The following REPS1 variants were observed in gnomAD, a reference collection of about 807,000 sequenced individuals.
The protein encoded by REPS1 is ralBP1-associated Eps domain-containing protein 1.
A neutral mutation model predicts 100.9 loss-of-function variants in REPS1; 39 were observed. The observed-to-expected ratio is 0.39, with a 90% CI of 0.30 to 0.50. The LOEUF (loss-of-function observed/expected upper bound fraction) is 0.50. Ranked by LOEUF, REPS1 falls within the 20% of genes least tolerant of loss-of-function variation. REPS1 has a pLI of 0.86. For synonymous variants in REPS1, 324 were observed against 340.3 expected (o/e 0.95, Z 0.53); for missense variants, 821 against 968.5 (o/e 0.85, Z 2.02).
rs560121071 is a variant in REPS1, at chr6:138,945,161, G to A, written c.628+58C>T. On this transcript the variant is annotated intron_variant, in intron 4 of 19. Coordinates refer to ENST00000450536, the MANE Select transcript of REPS1 (RefSeq NM_001286611.2). ...AGGCAGGAGGATCATTTGAACCCAGGAGTGCAAGACCAGCCTGGGCAACAC... is the reference window on the plus strand; with the variant it reads ...AGGCAGGAGGATCATTTGAACCCAGAAGTGCAAGACCAGCCTGGGCAACAC... 6.3e-6 allele frequency: 9 copies of A among 1,436,148 alleles called. No individual in the cohort carries two copies. The African/African-American group carries it at 1.1e-4, about 18-fold the overall frequency. 89.0% of individuals were successfully genotyped at this position (1,436,148 alleles called of 1,614,324 possible). A position where few individuals can be genotyped will look rare whatever the true frequency, so the allele number is the denominator to read the frequency against.
rs1400602330 is a variant in REPS1, at chr6:138,978,487, T to C, written c.153+9043A>G. 2.0e-5 allele frequency among the ~76,000 whole-genome samples: 3 copies of C among 151,270 alleles called. No homozygotes were observed. The East Asian group carries it at 5.8e-4, about 29-fold the overall frequency. The stretch of plus-strand genomic sequence containing the variant: ...CCCAGCTAATTTATTTTATCTTTTT[T>C]TTTTACAGGCAGGGGTCTCCCTATG... On this transcript the variant is annotated intron_variant, in intron 1 of 19. Transcript: ENST00000450536.
At chr6:138,986,517 A>C (rs1785266157) in intron 1 of REPS1, among the ~76,000 whole-genome samples, 1 of 152,258 alleles carries the variant, frequency 6.6e-6, no homozygotes, top group Non-Finnish European at 1.5e-5. Context: ...GGTTAACAGC[A>C]GAGTAGGGTC....
intron 1 of REPS1, among the ~76,000 whole-genome samples, chr6:138,986,603 T>C (rs1785271104): frequency 1.3e-5 from 2 of 152,214 alleles, no homozygotes; most frequent in Admixed American, 6.5e-5. Context: ...GCTTTAAATT[T>C]TGGAGATGTG....
chr6:138,929,768 G>A (rs1781370268), intron 9 of REPS1: 1 of 403,828 alleles, frequency 2.5e-6, no homozygotes, highest in Non-Finnish European at 4.4e-6. Context: ...AGGTTTTAAT[G>A]GGGATAAGTG....
intron 8 of REPS1, among the ~76,000 whole-genome samples, chr6:138,935,747 G>A (rs749869023): frequency 1.1e-4 from 16 of 150,794 alleles, no homozygotes; most frequent in Admixed American, 2.0e-4. Context: ...CCAGCTACTC[G>A]GGAGGCTGAG....
intron 10 of REPS1, among the ~76,000 whole-genome samples, chr6:138,923,350 C>A: frequency 1.3e-5 from 2 of 152,184 alleles, no homozygotes; most frequent in South Asian, 4.2e-4. Flanking sequence ...GAAAATAAGT[C>A]TTATTCCAAA....
At chr6:138,917,021 C>G (rs1780443638) in intron 13 of REPS1, among the ~76,000 whole-genome samples, 1 of 152,128 alleles carries the variant, frequency 6.6e-6, no homozygotes, top group South Asian at 2.1e-4. Flanking sequence ...TCAACACGTG[C>G]AAAAAGTGAG....
At chr6:138,976,291 A>C (rs1372936364) in intron 1 of REPS1, among the ~76,000 whole-genome samples, 1 of 152,220 alleles carries the variant, frequency 6.6e-6, no homozygotes, top group Non-Finnish European at 1.5e-5. Context: ...AAGAAGCAAT[A>C]ATCACTTCAT....
chr6:138,978,512 G>A (rs559891929), intron 1 of REPS1, among the ~76,000 whole-genome samples: 1 of 150,562 alleles, frequency 6.6e-6, no homozygotes, highest in Non-Finnish European at 1.5e-5. Flanking sequence ...GTCTCCCTAT[G>A]TTGCCCAGAC....
In REPS1 at chr6:138,933,931, G is replaced by A. The variant is rs528616197; in HGVS notation, c.1136-3833C>T. Among the ~76,000 whole-genome samples, 103 of 152,068 alleles carry A rather than the reference G, an allele frequency of 6.8e-4. 2 individuals are homozygous for A. The highest frequency in any genetic ancestry group is 2.3e-3 in the African/African-American group (96 of 41,486). ...TTTGTTCCACATTGAAATAAACGAC[G>A]ACGACAACAACAACAAAAACCAACC... On this transcript the variant is annotated intron_variant, in intron 8 of 19. Transcript: ENST00000450536.
chr6:138,910,110 G>C (rs959674947), intron 17 of REPS1, among the ~76,000 whole-genome samples: 6 of 152,178 alleles, frequency 3.9e-5, no homozygotes, highest in Admixed American at 3.3e-4. Flanking sequence ...TTGGGTCATG[G>C]AGATAGATCC....
chr6:138,950,569 G>A (rs1289556797), intron 1 of REPS1, among the ~76,000 whole-genome samples: 2 of 152,166 alleles, frequency 1.3e-5, no homozygotes, highest in African/African-American at 4.8e-5. Flanking sequence ...ATATTTATAT[G>A]TGCTTATTTC....
At chr6:138,919,589 G>T (rs1405185708) in intron 12 of REPS1, among the ~76,000 whole-genome samples, 3 of 152,182 alleles carry the variant, frequency 2.0e-5, no homozygotes, top group Admixed American at 6.5e-5. Context: ...AGTAAAAGCA[G>T]GTCCTGCCTT....
intron 1 of REPS1, among the ~76,000 whole-genome samples, chr6:138,987,206 G>A (rs934659136): frequency 6.6e-5 from 10 of 152,334 alleles, no homozygotes; most frequent in African/African-American, 2.4e-4. Context: ...CCAGGTTCTA[G>A]GATTCACACA....
At chr6:138,928,174 G>A (rs1781262160) in intron 9 of REPS1, 1 of 152,180 alleles carries the variant, frequency 6.6e-6, no homozygotes, top group Non-Finnish European at 1.5e-5. Context: ...TTCTCCATCT[G>A]TAACATATTA....
intron 8 of REPS1, among the ~76,000 whole-genome samples, chr6:138,938,010 T>TC (rs1420790109): frequency 1.3e-5 from 2 of 151,812 alleles, no homozygotes; most frequent in Admixed American, 1.3e-4. Context: ...TTAATCTTTT[T>TC]TTTTTTTAAA....
Position 138,944,522 on chromosome 6 carries a change from TAA to T in REPS1, c.727_728del (p.Leu243AsnfsTer24). 3.1e-6 allele frequency: 5 copies of T among 1,614,056 alleles called. No homozygotes were observed. The highest frequency in any genetic ancestry group is 4.2e-6 in the Non-Finnish European group (5 of 1,179,936). Reference protein sequence around the residue: ...FADTPPTSTLLTMHPASVQDQ... With the variant: ...FADTPPTSTLXTMHPASVQDQ... The stretch of plus-strand genomic sequence containing the variant: ...CCTGGACAGAAGCAGGATGCATGGT[TAA>T]AAGAGTACTGGTTGGTGGAGTATCT... On this transcript the variant is annotated frameshift_variant, in exon 5 of 20. Transcript: ENST00000450536. LOFTEE classifies it high-confidence loss of function.
intron 1 of REPS1, among the ~76,000 whole-genome samples, chr6:138,965,136 T>C (rs2128495349): frequency 6.6e-6 from 1 of 152,236 alleles, no homozygotes; most frequent in African/African-American, 2.4e-5. Context: ...CTGATAAAAG[T>C]AGTACATACA....
chr6:138,935,059 A>G (rs1467860499), intron 8 of REPS1, among the ~76,000 whole-genome samples: 1 of 152,248 alleles, frequency 6.6e-6, no homozygotes, highest in Admixed American at 6.5e-5. Flanking sequence ...TCAAAAAACT[A>G]GTAAGTTCTA....
Sources: allele counts gnomAD v4.1 joint callset (sites outside exome capture counted in the v4.1 genomes callset), GRCh38; gene constraint gnomAD v4.1.1; transcripts MANE v1.5; gene names NCBI Gene and HGNC (gene_info 2026-07-23, HGNC 2026-07-21).